CAST: variants seen among roughly 807,000 people sequenced by gnomAD.
CAST encodes calpastatin.
A neutral mutation model predicts 119.6 loss-of-function variants in CAST; 76 were observed. The observed-to-expected ratio is 0.64, with a 90% CI of 0.53 to 0.77. The LOEUF is 0.77. CAST is among the 30% of genes least tolerant of loss of function. CAST has a pLI of 0.00. For synonymous variants in CAST, 319 were observed against 331.6 expected, an observed-to-expected ratio of 0.96 and a Z score of 0.41; for missense variants, 953 against 946.5, an observed-to-expected ratio of 1.01 and a Z score of -0.09.
chr5:96,155,814 T>C, the CAST span, among the ~76,000 whole-genome samples: 2 of 152,206 alleles, frequency 1.3e-5, no homozygotes, highest in African/African-American at 2.4e-5. Flanking sequence ...GTGGTCTCTC[T>C]ATGGCTTCTG....
chr5:96,022,655 CA>C, the CAST span, among the ~76,000 whole-genome samples: 1 of 152,174 alleles, frequency 6.6e-6, no homozygotes, highest in Non-Finnish European at 1.5e-5. Flanking sequence ...CTGTGTCAGT[CA>C]GGGTTCTTCC....
the CAST span, among the ~76,000 whole-genome samples, chr5:95,972,178 G>A: frequency 6.7e-6 from 1 of 150,364 alleles, no homozygotes; most frequent in Non-Finnish European, 1.5e-5. Flanking sequence ...GCCCAGGCTG[G>A]TCTCAAACAG....
At chr5:96,039,977 C>T in the CAST span, among the ~76,000 whole-genome samples, 1 of 152,104 alleles carries the variant, frequency 6.6e-6, no homozygotes, top group Admixed American at 6.5e-5. Flanking sequence ...AGGCCATTTT[C>T]ATGATATTGA....
chr5:96,071,524 A>G, the CAST span, among the ~76,000 whole-genome samples: 2 of 151,990 alleles, frequency 1.3e-5, no homozygotes, highest in Non-Finnish European at 2.9e-5. Flanking sequence ...AGTCCTACCA[A>G]TACTTCATGG....
chr5:96,583,787 G>T (rs976073726), intron 1 of CAST, among the ~76,000 whole-genome samples: 4 of 152,174 alleles, frequency 2.6e-5, no homozygotes, highest in African/African-American at 9.6e-5. Context: ...TCGTCAAAAA[G>T]ACATTTGTAT....
chr5:96,766,302 A>G (rs1769935440), intron 27 of CAST, among the ~76,000 whole-genome samples, 157 bp downstream of exon 27: 1 of 152,210 alleles, frequency 6.6e-6, no homozygotes, highest in Non-Finnish European at 1.5e-5. Context: ...CCAGCAGGTA[A>G]ATATTTATTT....
chr5:96,019,942 C>T, the CAST span, among the ~76,000 whole-genome samples: 1 of 152,162 alleles, frequency 6.6e-6, no homozygotes, highest in African/African-American at 2.4e-5. Context: ...AAGCATGTGC[C>T]TCTTGCCAAG....
the CAST span, among the ~76,000 whole-genome samples, chr5:96,452,408 C>T: frequency 4.6e-5 from 7 of 152,098 alleles, no homozygotes; most frequent in Middle Eastern, 3.4e-3. Flanking sequence ...AACCAAACAC[C>T]GCATGTTCTC....
the CAST span, chr5:96,433,112 G>A: frequency 7.0e-7 from 1 of 1,431,502 alleles, no homozygotes; most frequent in Admixed American, 1.7e-5. Flanking sequence ...AGAAAAGCCA[G>A]ACAGACTCCC....
At chr5:96,624,474 T>C (rs1747682483) in intron 1 of CAST, among the ~76,000 whole-genome samples, 1 of 152,230 alleles carries the variant, frequency 6.6e-6, no homozygotes, top group Admixed American at 6.5e-5. Context: ...ATAACAATGG[T>C]TACCACTGAA....
chr5:96,542,308 C>CAAAAAAAAAAAAAAAAA (rs759173589), intron 1 of CAST, among the ~76,000 whole-genome samples: 1 of 37,090 alleles, frequency 2.7e-5, no homozygotes, highest in African/African-American at 7.8e-5. Flanking sequence ...GACTTAGTCT[C>CAAAAAAAAAAAAAAAAA]AAAAAAAAAA....
At chr5:96,209,529 G>C in the CAST span, among the ~76,000 whole-genome samples, 1 of 151,826 alleles carries the variant, frequency 6.6e-6, no homozygotes, top group Non-Finnish European at 1.5e-5. Context: ...AATTCCTTTA[G>C]TGTTTGCTTG....
At chr5:96,153,956 T>C in the CAST span, among the ~76,000 whole-genome samples, 2 of 152,198 alleles carry the variant, frequency 1.3e-5, no homozygotes, top group Non-Finnish European at 2.9e-5. Flanking sequence ...CAATATGTTA[T>C]TATTTGAAGT....
the CAST span, among the ~76,000 whole-genome samples, chr5:96,443,813 C>T: frequency 6.6e-6 from 1 of 152,146 alleles, no homozygotes; most frequent in Non-Finnish European, 1.5e-5. Flanking sequence ...AGAGATTAAC[C>T]CTAGAAGTAA....
Position 96,757,460 on chromosome 5 carries a change from C to A in CAST, c.1727C>A (p.Pro576Gln), listed in dbSNP as rs770229825. 6.2e-7 allele frequency: 1 copy of A among 1,614,010 alleles called. No homozygotes were observed. The highest frequency in any genetic ancestry group is 1.3e-5 in the African/African-American group (1 of 75,016). The change falls in exon 23 of 32, where the codon CCA (proline) becomes CAA (glutamine). Residue 576 changes from proline (P) to glutamine (Q), a missense_variant. Coordinates refer to ENST00000675179, the MANE Select transcript of CAST (RefSeq NM_001750.7). ...CCCGGATAGGATAAAGATGGAAAGCCACTCCTGCCAAAAGAGTCTAAGGAA... is the reference window on the plus strand; with the variant it reads ...CCCGGATAGGATAAAGATGGAAAGCAACTCCTGCCAAAAGAGTCTAAGGAA... The part of the protein sequence containing the change: ...LEEVKDKDGK[P>Q]LLPKESKEQL...
the CAST span, among the ~76,000 whole-genome samples, chr5:96,230,114 ACTT>A: frequency 0.027 from 4,142 of 152,218 alleles, 193 homozygotes; most frequent in African/African-American, 0.096. Flanking sequence ...ACATGGAAGA[ACTT>A]CTTATAGAGC....
At chr5:96,223,731 T>C in the CAST span, among the ~76,000 whole-genome samples, 1 of 152,244 alleles carries the variant, frequency 6.6e-6, no homozygotes, top group African/African-American at 2.4e-5. Context: ...TGGGTGGTAT[T>C]GACCCTGCTT....
At chr5:96,611,000 C>T (rs1011408203) in intron 1 of CAST, among the ~76,000 whole-genome samples, 17 of 152,044 alleles carry the variant, frequency 1.1e-4, no homozygotes, top group African/African-American at 3.9e-4. Flanking sequence ...AAGAGCATTA[C>T]AAAACAGTGA....
chr5:96,412,798 C>T, the CAST span: 1 of 304,378 alleles, frequency 3.3e-6, no homozygotes, highest in Admixed American at 5.4e-5. Context: ...GGCTCTCTTC[C>T]CAGCAAAAGC....
Sources: gnomAD v4.1 joint callset for allele counts (sites outside exome capture counted in the v4.1 genomes callset) on GRCh38, gnomAD v4.1.1 for gene constraint, MANE v1.5 for transcripts, NCBI Gene and HGNC (gene_info 2026-07-23, HGNC 2026-07-21) for gene names.